Variants in CA8 observed in about 807,000 individuals in gnomAD.
CA8 encodes carbonic anhydrase 8 (inactive).
Under a neutral mutation model 41.4 loss-of-function variants are expected in CA8, and 22 were observed. That is an observed-to-expected ratio of 0.53 (90% confidence interval 0.38 to 0.76). CA8 has a LOEUF of 0.76. Among genes scored for constraint, CA8 ranks in the 30% least tolerant of loss-of-function variants. The probability of loss-of-function intolerance (pLI) is 0.00; values close to 1 mark genes in which losing one functional copy is unlikely to be tolerated. For missense variants in CA8, 270 were observed against 352.8 expected (o/e 0.77, Z 1.88); for synonymous variants, 121 against 130.6 (o/e 0.93, Z 0.50).
intron 3 of CA8, among the ~76,000 whole-genome samples, chr8:60,245,371 T>G (rs1269193004): frequency 3.9e-5 from 6 of 152,188 alleles, no homozygotes; most frequent in Non-Finnish European, 8.8e-5. Context: ...TGTGAAAATC[T>G]ACACCTATGC....
At chr8:60,243,199 T>C (rs1345481899) in intron 3 of CA8, among the ~76,000 whole-genome samples, 1 of 152,094 alleles carries the variant, frequency 6.6e-6, no homozygotes, top group Non-Finnish European at 1.5e-5. Context: ...AACACCAAGG[T>C]CACCTGCCTC....
intron 8 of CA8, among the ~76,000 whole-genome samples, chr8:60,200,999 CT>C (rs1431393648): frequency 6.6e-6 from 1 of 152,106 alleles, no homozygotes; most frequent in Non-Finnish European, 1.5e-5. Context: ...ATGACGCTAA[CT>C]TTATGGGTTG....
chr8:60,207,136 C>T (rs1806616645), intron 8 of CA8, among the ~76,000 whole-genome samples: 1 of 152,070 alleles, frequency 6.6e-6, no homozygotes, highest in Non-Finnish European at 1.5e-5. Context: ...TAACCTCTGC[C>T]CATGTCGTGG....
intron 7 of CA8, among the ~76,000 whole-genome samples, chr8:60,217,233 C>G (rs1563530913): frequency 6.6e-6 from 1 of 152,214 alleles, no homozygotes; most frequent in Non-Finnish European, 1.5e-5. Context: ...TAGGAAATTA[C>G]CCTCGATAAA....
intron 2 of CA8, among the ~76,000 whole-genome samples, chr8:60,267,650 T>A (rs1803943141): frequency 6.6e-6 from 1 of 152,096 alleles, no homozygotes. Context: ...CAGGACAGGA[T>A]CTGGAACTCA....
At position 60,196,803 on chromosome 8, in the gene CA8, A is replaced by T. The variant is rs191920127; in HGVS notation, c.*36-6818T>A. On this transcript the variant is annotated intron_variant, in intron 8 of 8. Transcript: ENST00000317995. ...AAAAATTAAACATGTAAAAATAGCC[A>T]GAAAAATCCTGCAGAAGATACTAGT... 2.6e-5 allele frequency among the ~76,000 whole-genome samples: 4 copies of T among 152,288 alleles called. No individual in the cohort carries two copies. The East Asian group carries it at 7.7e-4, about 29-fold the overall frequency.
chr8:60,231,693 C>A (rs571764436), intron 4 of CA8, among the ~76,000 whole-genome samples: 1 of 152,280 alleles, frequency 6.6e-6, no homozygotes, highest in African/African-American at 2.4e-5. Context: ...GCCTTAAAAA[C>A]TGAGTTAAGT....
chr8:60,255,004 G>C (rs1487532363), intron 3 of CA8, among the ~76,000 whole-genome samples: 1 of 152,152 alleles, frequency 6.6e-6, no homozygotes, highest in African/African-American at 2.4e-5. Flanking sequence ...CCTCTTGCTA[G>C]CGTCCAGTGC....
chr8:60,278,700 A>G (rs1021912296), intron 2 of CA8, among the ~76,000 whole-genome samples: 2 of 152,220 alleles, frequency 1.3e-5, no homozygotes, highest in Admixed American at 6.5e-5. Context: ...GACTACATGA[A>G]TCTATGACTA....
At chr8:60,269,609 A>T (rs140028262) in intron 2 of CA8, among the ~76,000 whole-genome samples, 1 of 152,354 alleles carries the variant, frequency 6.6e-6, no homozygotes, top group African/African-American at 2.4e-5. Context: ...ATCTAAATCT[A>T]TCTAAGCTTC....
intron 3 of CA8, among the ~76,000 whole-genome samples, chr8:60,245,558 G>A (rs971036077): frequency 3.9e-5 from 6 of 152,178 alleles, no homozygotes; most frequent in Non-Finnish European, 8.8e-5. Context: ...GCTTCGCTGA[G>A]ATTTGTGTAA....
chr8:60,276,730 G>T (rs887480462), intron 2 of CA8, among the ~76,000 whole-genome samples: 1 of 152,060 alleles, frequency 6.6e-6, no homozygotes, highest in Admixed American at 6.6e-5. Flanking sequence ...AAACAAAACC[G>T]CACTTGTACC....
chr8:60,265,582 T>C (rs1803875693), intron 3 of CA8: 1 of 289,892 alleles, frequency 3.4e-6, no homozygotes, highest in African/African-American at 2.2e-5. Context: ...CTCCAACGGT[T>C]GCTTGTCTTC....
chr8:60,209,793 C>T (rs1806770349), intron 7 of CA8, among the ~76,000 whole-genome samples: 1 of 152,124 alleles, frequency 6.6e-6, no homozygotes, highest in South Asian at 2.1e-4. Flanking sequence ...GTTCATTTCC[C>T]TTTATTAGGT....
At chr8:60,220,371 A>G (rs190052250) in intron 7 of CA8, among the ~76,000 whole-genome samples, 1 of 152,288 alleles carries the variant, frequency 6.6e-6, no homozygotes, top group East Asian at 1.9e-4. Flanking sequence ...CTAGCTAGGG[A>G]AAACATTAGG....
intron 7 of CA8, among the ~76,000 whole-genome samples, chr8:60,209,721 C>CA (rs1240344790): frequency 6.6e-6 from 1 of 151,946 alleles, no homozygotes; most frequent in African/African-American, 2.4e-5. Flanking sequence ...AGCACAGGTC[C>CA]AAAAAAATGA....
chr8:60,246,706 TA>T (rs1325913289), intron 3 of CA8, among the ~76,000 whole-genome samples: 1 of 152,118 alleles, frequency 6.6e-6, no homozygotes, highest in Non-Finnish European at 1.5e-5. Flanking sequence ...TTGCTGTACA[TA>T]ATGTAACTCA....
Position 60,208,890 on chromosome 8 carries a change from ATG to A in CA8, c.766_767del (p.His256CysfsTer2). The A allele has an allele frequency of 6.2e-7, 1 of 1,614,160 alleles. No individual in the cohort carries two copies. The highest frequency in any genetic ancestry group is 8.5e-7 in the Non-Finnish European group (1 of 1,180,002). On this transcript the variant is annotated frameshift_variant, in exon 8 of 9. Coordinates refer to ENST00000317995, the MANE Select transcript of CA8 (RefSeq NM_004056.6). LOFTEE classifies it high-confidence loss of function. ...QIEEFRRLRT[H>X]VKGAELVEGC... is the part of the protein sequence containing the mutation. ...CTTCCACAAGTTCTGCCCCCTTAAC[ATG>A]TGTCCTCAGCCTTCGAAATTCTTCT...
intron 3 of CA8, among the ~76,000 whole-genome samples, chr8:60,258,941 C>T (rs1174592565): frequency 6.6e-6 from 1 of 152,146 alleles, no homozygotes; most frequent in African/African-American, 2.4e-5. Context: ...GACTTCAGGA[C>T]CCCTGTTCTA....
Sources: gnomAD v4.1 joint callset for allele counts (sites outside exome capture counted in the v4.1 genomes callset) on GRCh38, gnomAD v4.1.1 for gene constraint, MANE v1.5 for transcripts, NCBI Gene and HGNC (gene_info 2026-07-23, HGNC 2026-07-21) for gene names.